CYP2S1: variants seen among roughly 807,000 people sequenced by gnomAD.
CYP2S1 encodes the protein cytochrome P450 family 2 subfamily S member 1.
A neutral mutation model predicts 43.5 loss-of-function variants in CYP2S1; 32 were observed. That is an observed-to-expected ratio of 0.74 (90% CI 0.56 to 0.99). CYP2S1 has a LOEUF of 0.99. Ranked by LOEUF, CYP2S1 falls within the 50% of genes least tolerant of loss-of-function variation. The pLI is 0.00. For synonymous variants in CYP2S1, 283 were observed against 302.9 expected (o/e 0.93, Z 0.68); for missense variants, 575 against 673.9 (o/e 0.85, Z 1.62).
In CYP2S1 at chr19:41,194,585, A is replaced by G; in HGVS notation, c.219A>G (p.Gly73=). 1.2e-6 allele frequency: 2 copies of G among 1,609,776 alleles called. No homozygotes were observed. The highest frequency in any genetic ancestry group is 1.7e-6 in the Non-Finnish European group (2 of 1,178,488). The change falls in exon 2 of 9, where the codon GGA becomes GGG. Residue 73 remains glycine (G), a synonymous_variant. Coordinates refer to ENST00000310054, the MANE Select transcript of CYP2S1 (RefSeq NM_030622.8). ...KYGPVFTIYL[G]PWRPVVVLVG... ...GACCGGTGTTCACCATCTACCTGGG[A>G]CCCTGGCGGCCTGTGGTGGTCCTGG...
intron 5 of CYP2S1, among the ~76,000 whole-genome samples, chr19:41,200,829 G>T (rs139406099): frequency 6.6e-6 from 1 of 152,162 alleles, no homozygotes; most frequent in Non-Finnish European, 1.5e-5. Flanking sequence ...GTGAAACGAC[G>T]CAGCCCTGTG....
chr19:41,204,445 C>T (rs1056299118), intron 7 of CYP2S1, among the ~76,000 whole-genome samples: 3 of 152,176 alleles, frequency 2.0e-5, no homozygotes, highest in Non-Finnish European at 2.9e-5. Flanking sequence ...AGAGCAGCTC[C>T]GATGCAGAAC....
chr19:41,194,556 T>TACGG lies in CYP2S1; in HGVS notation c.193_196dup (p.Pro66ArgfsTer32). 6.3e-7 allele frequency: 1 copy of TACGG among 1,595,890 alleles called. No individual in the cohort carries two copies. Among genetic ancestry groups the TACGG allele is most frequent in the Non-Finnish European group, 8.5e-7 (1 of 1,173,688 alleles). On this transcript the variant is annotated frameshift_variant, in exon 2 of 9. Coordinates refer to ENST00000310054, the MANE Select transcript of CYP2S1 (RefSeq NM_030622.8). LOFTEE classifies it high-confidence loss of function. Reference sequence around the variant, plus strand: ...TCCCTACCCCCAGCTGAGTAAGAAGTACGGACCGGTGTTCACCATCTACCT... The same window carrying TACGG: ...TCCCTACCCCCAGCTGAGTAAGAAGTACGGACGGACCGGTGTTCACCATCTACCT...
chr19:41,197,849 G>A lies in CYP2S1; in HGVS notation c.414G>A (p.Leu138=), dbSNP rs1178069592. ...RKFTMLALRD[L]GMGKREGEEL... is the part of the protein sequence containing the mutation. ...TTACCATGCTTGCTCTGCGGGACCT[G>A]GGCATGGGGAAGCGAGAAGGCGAGG... Residue 138 remains leucine, a synonymous_variant, in exon 3 of 9, where the codon CTG becomes CTA. Coordinates refer to ENST00000310054, the MANE Select transcript of CYP2S1 (RefSeq NM_030622.8). The A allele has an allele frequency of 1.9e-6, 3 of 1,614,030 alleles. No individual in the cohort carries two copies. The highest frequency in any genetic ancestry group is 2.5e-6 in the Non-Finnish European group (3 of 1,180,044).
chr19:41,200,767 G>C (rs920656774), intron 5 of CYP2S1, among the ~76,000 whole-genome samples: 1 of 152,158 alleles, frequency 6.6e-6, no homozygotes, highest in Non-Finnish European at 1.5e-5. Flanking sequence ...AAGTTATAAG[G>C]ATTGATGAAG....
intron 8 of CYP2S1, 24 bp from the exon 9 acceptor site, chr19:41,206,256 T>C (rs748739060): frequency 1.6e-5 from 9 of 565,160 alleles, no homozygotes; most frequent in Middle Eastern, 4.6e-4. Context: ...GACTCAGCCC[T>C]CTCTCTCTCT....
chr19:41,204,045 TA>T (rs993499422), intron 7 of CYP2S1, among the ~76,000 whole-genome samples: 2 of 152,068 alleles, frequency 1.3e-5, no homozygotes, highest in African/African-American at 4.8e-5. Context: ...GTATTTTTAG[TA>T]GACACGGGGT....
intron 2 of CYP2S1, among the ~76,000 whole-genome samples, chr19:41,195,140 C>T (rs1448042361): frequency 6.6e-6 from 1 of 152,046 alleles, no homozygotes; most frequent in Non-Finnish European, 1.5e-5. Context: ...AAAGCAGTGC[C>T]CATCATGTAG....
In CYP2S1 at chr19:41,198,376, G is replaced by A. The variant is rs2033441683; in HGVS notation, c.494-86G>A. ...TCCATCCATCTTTCCCTGCCTCCCT[G>A]TCTCTCTCTGGTTGGGTTCAGCTCC... On this transcript the variant is annotated intron_variant, in intron 3 of 8. Coordinates refer to ENST00000310054, the MANE Select transcript of CYP2S1 (RefSeq NM_030622.8). The surrounding 1 kb of genome is among the most constrained non-coding windows in gnomAD (Gnocchi z 4.9). 1 of 1,541,556 alleles carries A rather than the reference G, an allele frequency of 6.5e-7. No individual in the cohort carries two copies. Among genetic ancestry groups the A allele is most frequent in the Non-Finnish European group, 8.8e-7 (1 of 1,136,684 alleles).
chr19:41,205,382 C>CTT (rs781159687), intron 7 of CYP2S1, among the ~76,000 whole-genome samples: 1,418 of 72,086 alleles, frequency 0.02, 19 homozygotes, highest in African/African-American at 0.075. Flanking sequence ...TTCTTTCTTT[C>CTT]TCTCTCTCTC....
intron 1 of CYP2S1, 144 bp downstream of exon 1, chr19:41,193,585 G>T: frequency 1.5e-5 from 20 of 1,333,696 alleles, no homozygotes; most frequent in Non-Finnish European, 1.9e-5. Flanking sequence ...TGCTGTCCTG[G>T]GGTTGGGGGC....
Position 41,194,526 on chromosome 19 carries a change from C to A in CYP2S1, c.178-18C>A. ...AAGAGGTCACAGCACCCTCCTCTTTCTTCCTCCCTACCCCCAGCTGAGTAA... is the reference window on the plus strand; with the variant it reads ...AAGAGGTCACAGCACCCTCCTCTTTATTCCTCCCTACCCCCAGCTGAGTAA... On this transcript the variant is annotated intron_variant, in intron 1 of 8. Transcript: ENST00000310054. 1 of 1,558,434 alleles carries A rather than the reference C, an allele frequency of 6.4e-7. No homozygotes were observed. Among genetic ancestry groups the A allele is most frequent in the Non-Finnish European group, 8.6e-7 (1 of 1,156,754 alleles).
At position 41,198,774 on chromosome 19, in the gene CYP2S1, C is replaced by T. The variant is rs752165738; in HGVS notation, c.720C>T (p.His240=). The T allele has an allele frequency of 1.1e-5, 17 of 1,614,124 alleles. No individual in the cohort carries two copies. Among genetic ancestry groups the T allele is most frequent in the Admixed American group, 6.7e-5 (4 of 60,010 alleles). ...LPGPHKQLLH[H]VSTLAAFTVR... ...GCCCCCACAAGCAGCTCCTCCACCACGTCAGCACCTTGGCTGCCTTCACAG... is the reference window on the plus strand; with the variant it reads ...GCCCCCACAAGCAGCTCCTCCACCATGTCAGCACCTTGGCTGCCTTCACAG... The change falls in exon 5 of 9, where the codon CAC becomes CAT. Residue 240 remains histidine, a synonymous_variant. Coordinates refer to ENST00000310054, the MANE Select transcript of CYP2S1 (RefSeq NM_030622.8). The surrounding 1 kb of genome is among the most constrained non-coding windows in gnomAD (Gnocchi z 4.9).
intron 2 of CYP2S1, among the ~76,000 whole-genome samples, chr19:41,195,936 G>C (rs1228729974): frequency 1.3e-5 from 2 of 151,972 alleles, no homozygotes; most frequent in African/African-American, 4.8e-5. Flanking sequence ...TGGGTACCAG[G>C]TACATAGAAA....
rs1568402628 is a variant in CYP2S1 at position 41,205,423 on chromosome 19, TC to T, written c.1165-534del. 0.017 allele frequency among the ~76,000 whole-genome samples: 626 copies of T among 36,690 alleles called. 5 individuals are homozygous for T. In the African/African-American group the frequency reaches 0.23, roughly 13 times the overall value. 24.1% of individuals were successfully genotyped at this position (36,690 alleles called of 152,430 possible). ...TTCTCTCTTTCTTTCTTTCTTTCTC[TC>T]TCTCTCTCTTTCTTTCTTTTCTTTT... On this transcript the variant is annotated intron_variant, in intron 7 of 8. Coordinates refer to ENST00000310054, the MANE Select transcript of CYP2S1 (RefSeq NM_030622.8).
At chr19:41,204,577 CTTTTTCTTCTTCTTCTTTTTTTTT>C (rs973771907) in intron 7 of CYP2S1, among the ~76,000 whole-genome samples, 4 of 146,262 alleles carry the variant, frequency 2.7e-5, no homozygotes, top group African/African-American at 1.0e-4. Context: ...CTGCTATTTT[CTTTTTCTTCTTCTTCTTTTTTTTT>C]TTTTTTTTTT....
At position 41,198,453 on chromosome 19, in the gene CYP2S1, T is replaced by TC; in HGVS notation, c.494-3dup. 1 of 1,612,662 alleles carries TC rather than the reference T, an allele frequency of 6.2e-7. No homozygotes were observed. The highest frequency in any genetic ancestry group is 8.5e-7 in the Non-Finnish European group (1 of 1,179,482). On this transcript the variant is annotated splice_polypyrimidine_tract_variant and intron_variant, in intron 3 of 8. Coordinates refer to ENST00000310054, the MANE Select transcript of CYP2S1 (RefSeq NM_030622.8). The surrounding 1 kb of genome is among the most constrained non-coding windows in gnomAD (Gnocchi z 4.9). ...TCACAGCCTACCTCCCTGCCCCCAT[T>TC]CCCCCCAGGACGCCCATTCGATCCC...
At position 41,205,714 on chromosome 19, in the gene CYP2S1, G is replaced by A. The variant is rs182753274; in HGVS notation, c.1165-244G>A. On this transcript the variant is annotated intron_variant, in intron 7 of 8. Coordinates refer to ENST00000310054, the MANE Select transcript of CYP2S1 (RefSeq NM_030622.8). ...TTTTTTAATTTTTCCTAGAGACAAGGTCTTGTTATATTGCCCAGGCTGGTC... is the reference window on the plus strand; with the variant it reads ...TTTTTTAATTTTTCCTAGAGACAAGATCTTGTTATATTGCCCAGGCTGGTC... Among the ~76,000 whole-genome samples the A allele has an allele frequency of 4.6e-5, 7 of 152,070 alleles. No individual in the cohort carries two copies. In the East Asian group the frequency reaches 1.2e-3, roughly 25 times the overall value.
chr19:41,194,797 G>A, intron 2 of CYP2S1, 88 bp downstream of exon 2: 1 of 1,510,500 alleles, frequency 6.6e-7, no homozygotes, highest in Admixed American at 2.6e-5. Flanking sequence ...TCCCTCTGTT[G>A]CCTCATCTGT....
Sources: gnomAD v4.1 joint callset for allele counts (sites outside exome capture counted in the v4.1 genomes callset) on GRCh38, gnomAD v4.1.1 for gene constraint, Gnocchi (gnomAD v3.1) non-coding constraint, MANE v1.5 for transcripts, NCBI Gene and HGNC (gene_info 2026-07-23, HGNC 2026-07-21) for gene names.